The following SOX6 variants were observed in gnomAD, a reference collection of about 807,000 sequenced individuals.
SOX6 encodes SRY-box transcription factor 6, also known as transcription factor SOX-6.
Under a neutral mutation model 97.8 loss-of-function variants are expected in SOX6, and 11 were observed. That is an observed-to-expected ratio of 0.11 (90% CI 0.07 to 0.19). The LOEUF (loss-of-function observed/expected upper bound fraction) is 0.19, where lower values mean the gene tolerates loss of function less well. Ranked by LOEUF, SOX6 falls within the 10% of genes least tolerant of loss-of-function variation. The pLI is 1.00. For missense variants in SOX6, 810 were observed against 1,039.5 expected (o/e 0.78, Z 3.04); for synonymous variants, 360 against 371.4 (o/e 0.97, Z 0.35).
intron 1 of SOX6, among the ~76,000 whole-genome samples, chr11:16,409,210 C>G (rs757535774): frequency 9.9e-5 from 15 of 151,572 alleles, no homozygotes; most frequent in East Asian, 1.9e-4. Context: ...TATGACAGAG[C>G]CTTATGGCGA....
intron 9 of SOX6, among the ~76,000 whole-genome samples, chr11:16,088,325 G>T (rs1208892732): frequency 6.6e-6 from 1 of 151,984 alleles, no homozygotes; most frequent in Non-Finnish European, 1.5e-5. Flanking sequence ...GTTTACATTA[G>T]GGTTCACTCT....
intron 4 of SOX6, among the ~76,000 whole-genome samples, chr11:16,493,902 T>G (rs1307848415): frequency 1.3e-5 from 2 of 152,124 alleles, no homozygotes; most frequent in African/African-American, 4.8e-5. Context: ...CATAATTCCA[T>G]CTCTAGAAAT....
intron 1 of SOX6, among the ~76,000 whole-genome samples, chr11:16,393,640 T>C (rs1858255275): frequency 6.6e-6 from 1 of 152,000 alleles, no homozygotes; most frequent in Admixed American, 6.6e-5. Context: ...CACACCTGTG[T>C]CTTCTTATTT....
intron 1 of SOX6, among the ~76,000 whole-genome samples, chr11:16,449,759 T>C (rs1175602066): frequency 2.0e-5 from 3 of 152,284 alleles, no homozygotes; most frequent in African/African-American, 7.2e-5. Flanking sequence ...TAAGTCCTCC[T>C]TTCCTCCCAA....
At chr11:16,316,746 G>A (rs1242787571) in intron 3 of SOX6, 1 of 152,030 alleles carries the variant, frequency 6.6e-6, no homozygotes, top group African/African-American at 2.4e-5. Flanking sequence ...TCTTTTGGTG[G>A]ATCACAATTA....
chr11:16,311,302 C>T (rs1022120939), intron 3 of SOX6: 1 of 152,016 alleles, frequency 6.6e-6, no homozygotes, highest in Non-Finnish European at 1.5e-5. Context: ...AATAGCAATA[C>T]TAGTAATAGT....
At chr11:16,316,092 C>A (rs1307615564) in intron 3 of SOX6, 1 of 123,496 alleles carries the variant, frequency 8.1e-6, no homozygotes, top group Admixed American at 9.5e-5. Flanking sequence ...CATTTTCTGT[C>A]ACTTAAAACT....
rs1329548560 is a variant in SOX6 at position 15,967,170 on chromosome 11, T to C, written c.*5639A>G. On this transcript the variant is annotated 3_prime_UTR_variant, in exon 16 of 16. Coordinates refer to ENST00000683767, the MANE Select transcript of SOX6 (RefSeq NM_001367873.1). ...AAATAGTTACCAGCCATGGGCCAAG[T>C]AGGTACCTGCATTATACATAGAATT... 1 of 152,226 alleles carries C rather than the reference T, an allele frequency of 6.6e-6. No homozygotes were observed. Among genetic ancestry groups the C allele is most frequent in the African/African-American group, 2.4e-5 (1 of 41,456 alleles). 9.4% of individuals were successfully genotyped at this position (152,226 alleles called of 1,614,324 possible).
intron 3 of SOX6, among the ~76,000 whole-genome samples, chr11:16,642,581 T>C (rs1048065335): frequency 1.3e-5 from 2 of 152,252 alleles, no homozygotes; most frequent in African/African-American, 4.8e-5. Flanking sequence ...TCTTTTCACA[T>C]AGCCCATATT....
chr11:16,223,876 T>C (rs778427900), intron 4 of SOX6, among the ~76,000 whole-genome samples: 6 of 152,116 alleles, frequency 3.9e-5, no homozygotes, highest in Non-Finnish European at 8.8e-5. Flanking sequence ...TCATAGCAAT[T>C]GGAAGAAAAA....
intron 1 of SOX6, among the ~76,000 whole-genome samples, chr11:16,405,572 A>G (rs530471025): frequency 6.6e-6 from 1 of 152,180 alleles, no homozygotes; most frequent in Admixed American, 6.6e-5. Flanking sequence ...GCAGAATTCT[A>G]TTACAAAAGA....
intron 4 of SOX6, among the ~76,000 whole-genome samples, chr11:16,225,257 TA>T (rs1852652644): frequency 6.6e-6 from 1 of 152,078 alleles, no homozygotes; most frequent in South Asian, 2.1e-4. Flanking sequence ...TTAAAAATTT[TA>T]TCAGAGTTGA....
chr11:16,073,309 A>C lies in SOX6; in HGVS notation c.1102-17408T>G, dbSNP rs148794550. ...GGGATTGCTATGCTAATTTCAGAAA[A>C]AAAAACATACTTTAAATAAACAACA... is the stretch of plus-strand genomic sequence containing the variant. On this transcript the variant is annotated intron_variant, in intron 9 of 15. Coordinates refer to ENST00000683767, the MANE Select transcript of SOX6 (RefSeq NM_001367873.1). Among the ~76,000 whole-genome samples the C allele has an allele frequency of 5.4e-3, 828 of 152,328 alleles. 12 individuals carry two copies. The highest frequency in any genetic ancestry group is 6.5e-3 in the Non-Finnish European group (439 of 68,016).
intron 6 of SOX6, among the ~76,000 whole-genome samples, chr11:16,129,796 G>C (rs1849694894): frequency 1.3e-5 from 2 of 151,982 alleles, no homozygotes; most frequent in African/African-American, 4.8e-5. Context: ...ATAGAAGGAA[G>C]CTTCCTCAAT....
chr11:16,188,370 T>C (rs960909317), intron 4 of SOX6, among the ~76,000 whole-genome samples: 2 of 152,116 alleles, frequency 1.3e-5, no homozygotes, highest in African/African-American at 2.4e-5. Flanking sequence ...ACAAATACTG[T>C]ATCAAGGCTA....
intron 3 of SOX6, among the ~76,000 whole-genome samples, chr11:16,640,910 T>G (rs1411303902): frequency 6.6e-6 from 1 of 152,218 alleles, no homozygotes; most frequent in Non-Finnish European, 1.5e-5. Flanking sequence ...TCTATCTCCT[T>G]CAGCTCTTCT....
At chr11:16,147,182 G>T (rs1247144592) in intron 6 of SOX6, among the ~76,000 whole-genome samples, 1 of 152,062 alleles carries the variant, frequency 6.6e-6, no homozygotes, top group Non-Finnish European at 1.5e-5. Context: ...CATAAAAAAG[G>T]ATGAATTCAT....
chr11:16,465,416 A>G (rs1273557621), intron 1 of SOX6, among the ~76,000 whole-genome samples: 1 of 152,190 alleles, frequency 6.6e-6, no homozygotes, highest in African/African-American at 2.4e-5. Flanking sequence ...CCTTTAAAAC[A>G]ATCCATTCTG....
chr11:16,529,943 A>G (rs1265977282), intron 4 of SOX6, among the ~76,000 whole-genome samples: 4 of 152,090 alleles, frequency 2.6e-5, no homozygotes, highest in African/African-American at 9.7e-5. Flanking sequence ...GATAAAATGT[A>G]CAGAAACGCT....
Sources: gnomAD v4.1 joint callset for allele counts (sites outside exome capture counted in the v4.1 genomes callset) on GRCh38, gnomAD v4.1.1 for gene constraint, MANE v1.5 for transcripts, NCBI Gene and HGNC (gene_info 2026-07-23, HGNC 2026-07-21) for gene names.